Variants in EVI5 observed in about 807,000 individuals in gnomAD.
EVI5 encodes the protein ecotropic viral integration site 5 protein homolog.
A neutral mutation model predicts 112.0 loss-of-function variants in EVI5; 73 were observed. The ratio of observed to expected loss-of-function variants is 0.65; its 90% CI spans 0.54 to 0.79. The LOEUF is 0.79. Among genes scored for constraint, EVI5 ranks in the 30% least tolerant of loss-of-function variants. The pLI is 0.00. For synonymous variants in EVI5, 305 were observed against 319.9 expected (o/e 0.95, Z 0.50); for missense variants, 900 against 968.8 (o/e 0.93, Z 0.94).
Position 92,704,685 on chromosome 1 carries a change from C to G in EVI5, c.209G>C (p.Gly70Ala), listed in dbSNP as rs768626947. 2 of 1,600,882 alleles carry G rather than the reference C, an allele frequency of 1.2e-6. No individual in the cohort carries two copies. The highest frequency in any genetic ancestry group is 2.2e-5 in the East Asian group (1 of 44,560). ...TGATGAACTCGACACAAGAGAAGAGCCACTGTTTCTTCTTGACCCATTTAC... is the reference window on the plus strand; with the variant it reads ...TGATGAACTCGACACAAGAGAAGAGGCACTGTTTCTTCTTGACCCATTTAC... The part of the protein sequence containing the change: ...RSVNGSRRNS[G>A]SSLVSSSSAS... Residue 70 changes from glycine (G) to alanine (A), a missense_variant, in exon 3 of 20, where the codon GGC becomes GCC. Transcript: ENST00000684568.
At chr1:92,758,798 A>G (rs952119270) in intron 1 of EVI5, among the ~76,000 whole-genome samples, 1 of 152,082 alleles carries the variant, frequency 6.6e-6, no homozygotes, top group African/African-American at 2.4e-5. Flanking sequence ...ATTATCTCCA[A>G]TATGGTTACA....
intron 1 of EVI5, among the ~76,000 whole-genome samples, chr1:92,765,461 T>C (rs1351130608): frequency 1.3e-5 from 2 of 151,172 alleles, no homozygotes; most frequent in Non-Finnish European, 2.9e-5. Context: ...AGGCACTACA[T>C]GCTATTATTT....
At chr1:92,758,083 T>C (rs1367863812) in intron 1 of EVI5, among the ~76,000 whole-genome samples, 1 of 152,038 alleles carries the variant, frequency 6.6e-6, no homozygotes, top group Non-Finnish European at 1.5e-5. Flanking sequence ...CAATCAAATA[T>C]AGGTAAAGAA....
rs767563874 is a variant in EVI5, at chr1:92,624,129, G to C, written c.1827+47C>G. The C allele has an allele frequency of 1.2e-5, 18 of 1,485,570 alleles. No individual in the cohort carries two copies. The Admixed American group carries it at 2.9e-4, about 24-fold the overall frequency. The allele number at this position is 1,485,570 out of a possible 1,614,324, so 92.0% of individuals were successfully genotyped here. On this transcript the variant is annotated intron_variant, in intron 16 of 19. Coordinates refer to ENST00000684568, the MANE Select transcript of EVI5 (RefSeq NM_001350197.2). The stretch of plus-strand genomic sequence containing the variant: ...TGATACAATCTGTGCACAAACCCTT[G>C]ATCAGCTAATGATACTTTTTAAAGA...
chr1:92,521,378 T>C (rs1490228432), intron 19 of EVI5, among the ~76,000 whole-genome samples: 1 of 152,220 alleles, frequency 6.6e-6, no homozygotes, highest in African/African-American at 2.4e-5. Flanking sequence ...AGAAATAAAA[T>C]ATATGCTTTA....
chr1:92,760,124 T>C (rs990971434), intron 1 of EVI5, among the ~76,000 whole-genome samples: 1 of 152,236 alleles, frequency 6.6e-6, no homozygotes, highest in Non-Finnish European at 1.5e-5. Flanking sequence ...CCAAATTTTG[T>C]TAAATATGTA....
intron 1 of EVI5, among the ~76,000 whole-genome samples, chr1:92,781,391 T>C (rs752970723): frequency 1.3e-4 from 19 of 151,228 alleles, no homozygotes; most frequent in Non-Finnish European, 2.5e-4. Flanking sequence ...CCTGTAGTCG[T>C]AGTCACAGCT....
intron 13 of EVI5, among the ~76,000 whole-genome samples, chr1:92,660,731 C>T (rs927480407): frequency 5.3e-5 from 8 of 151,896 alleles, no homozygotes; most frequent in African/African-American, 1.9e-4. Flanking sequence ...AAGTCACATA[C>T]CTTACAATTC....
chr1:92,534,933 T>C (rs1403736645), intron 19 of EVI5, among the ~76,000 whole-genome samples: 1 of 152,090 alleles, frequency 6.6e-6, no homozygotes, highest in Non-Finnish European at 1.5e-5. Flanking sequence ...GGGATCTAAC[T>C]AAACTAAAGA....
intron 14 of EVI5, among the ~76,000 whole-genome samples, chr1:92,633,431 C>T (rs1422036528): frequency 6.6e-6 from 1 of 152,144 alleles, no homozygotes; most frequent in South Asian, 2.1e-4. Context: ...ATGTAATGGC[C>T]TTCTTTGTCT....
intron 1 of EVI5, among the ~76,000 whole-genome samples, chr1:92,762,430 G>A (rs899988623): frequency 6.6e-6 from 1 of 152,126 alleles, no homozygotes; most frequent in East Asian, 1.9e-4. Context: ...GCTTATAGAG[G>A]TTAAACAACT....
intron 1 of EVI5, among the ~76,000 whole-genome samples, chr1:92,747,731 A>AAC (rs1213113099): frequency 6.7e-6 from 1 of 150,360 alleles, no homozygotes; most frequent in Non-Finnish European, 1.5e-5. Context: ...AAAAAAACAA[A>AAC]AAAAAAAACC....
intron 9 of EVI5, among the ~76,000 whole-genome samples, chr1:92,679,214 G>A (rs558013490): frequency 4.7e-4 from 72 of 152,252 alleles, no homozygotes; most frequent in African/African-American, 1.7e-3. Flanking sequence ...ACATGAGGTG[G>A]AACAGTTTCA....
Position 92,674,135 on chromosome 1 carries a change from T to G in EVI5, c.1158+3023A>C, listed in dbSNP as rs140334803. 3.1e-3 allele frequency among the ~76,000 whole-genome samples: 477 copies of G among 151,552 alleles called. 4 individuals carry two copies. Among genetic ancestry groups the G allele is most frequent in the Non-Finnish European group, 3.0e-3 (207 of 67,912 alleles). ...AGAGACTTTTGCGGGAGGGAGGGAG[T>G]GTGTGTAAGAAGTAGCATTTCCCAT... On this transcript the variant is annotated intron_variant, in intron 10 of 19. Coordinates refer to ENST00000684568, the MANE Select transcript of EVI5 (RefSeq NM_001350197.2).
At chr1:92,588,185 A>G (rs961906338) in intron 18 of EVI5, among the ~76,000 whole-genome samples, 4 of 152,212 alleles carry the variant, frequency 2.6e-5, no homozygotes, top group Non-Finnish European at 1.5e-5. Flanking sequence ...GTATTTTTTG[A>G]ATCAGTTCAA....
intron 16 of EVI5, among the ~76,000 whole-genome samples, chr1:92,620,417 A>C (rs1179738843): frequency 6.6e-6 from 1 of 151,374 alleles, no homozygotes; most frequent in East Asian, 1.9e-4. Flanking sequence ...CAAATCTATA[A>C]ATCAAAGAAA....
chr1:92,628,326 T>A (rs1656144879), intron 14 of EVI5, among the ~76,000 whole-genome samples: 1 of 152,254 alleles, frequency 6.6e-6, no homozygotes, highest in African/African-American at 2.4e-5. Flanking sequence ...AGCTCCTCAG[T>A]TTAATTAGGT....
intron 10 of EVI5, among the ~76,000 whole-genome samples, chr1:92,667,055 G>A (rs1213508722): frequency 6.6e-6 from 1 of 152,204 alleles, no homozygotes; most frequent in African/African-American, 2.4e-5. Context: ...TGGGAGACCA[G>A]GCAGGTGGAT....
chr1:92,736,738 T>G lies in EVI5; in HGVS notation c.-81-111A>C, dbSNP rs974000059. The G allele has an allele frequency of 3.1e-5, 24 of 783,226 alleles. No individual in the cohort carries two copies. In the Admixed American group the frequency reaches 5.2e-4, roughly 17 times the overall value. The allele number at this position is 783,226 out of a possible 1,614,324, so 48.5% of individuals were successfully genotyped here. A position where few individuals can be genotyped will look rare whatever the true frequency, so the allele number is the denominator to read the frequency against. ...ATAACCATCATCAGAATATTCTCTTTGAGGAAGTAAAGGTAAAACCTGTTT... is the reference window on the plus strand; with the variant it reads ...ATAACCATCATCAGAATATTCTCTTGGAGGAAGTAAAGGTAAAACCTGTTT... On this transcript the variant is annotated intron_variant, in intron 1 of 19. Transcript: ENST00000684568.
Sources: allele counts gnomAD v4.1 joint callset (sites outside exome capture counted in the v4.1 genomes callset), GRCh38; gene constraint gnomAD v4.1.1; transcripts MANE v1.5; gene names NCBI Gene and HGNC (gene_info 2026-07-23, HGNC 2026-07-21).